GRM8: variants seen among roughly 807,000 people sequenced by gnomAD.
GRM8 encodes the protein glutamate metabotropic receptor 8.
Under a neutral mutation model 87.2 loss-of-function variants are expected in GRM8, and 47 were observed. That is an observed-to-expected ratio of 0.54 (90% CI 0.43 to 0.69). The LOEUF is 0.69. Ranked by LOEUF, GRM8 falls within the 30% of genes least tolerant of loss-of-function variation. GRM8 has a pLI of 0.00. For synonymous variants in GRM8, 396 were observed against 404.5 expected (o/e 0.98, Z 0.25); for missense variants, 1,019 against 1,139.2 (o/e 0.89, Z 1.52).
At chr7:126,921,565 C>T (rs1804536194) in intron 3 of GRM8, among the ~76,000 whole-genome samples, 1 of 152,050 alleles carries the variant, frequency 6.6e-6, no homozygotes. Context: ...AATTTTAAAA[C>T]ACTCGTGAGT....
At position 126,992,617 on chromosome 7, in the gene GRM8, A is replaced by T. The variant is rs1397442570; in HGVS notation, c.728-87934T>A. Among the ~76,000 whole-genome samples the T allele has an allele frequency of 2.0e-5, 3 of 152,252 alleles. No homozygotes were observed. In the East Asian group the frequency reaches 5.8e-4, roughly 29 times the overall value. ...AAAATTAAAGAAAAATTAAATAAGG[A>T]TATTTCTATGGAGTGAATTTTGTCC... On this transcript the variant is annotated intron_variant, in intron 3 of 10. Transcript: ENST00000339582.
chr7:126,516,440 T>C (rs1365648325), intron 9 of GRM8, among the ~76,000 whole-genome samples: 1 of 152,120 alleles, frequency 6.6e-6, no homozygotes, highest in Non-Finnish European at 1.5e-5. Flanking sequence ...CTGCAGTTGA[T>C]GTTGGAATGG....
chr7:127,059,138 A>G (rs2132562973), intron 3 of GRM8, among the ~76,000 whole-genome samples: 1 of 152,282 alleles, frequency 6.6e-6, no homozygotes, highest in Middle Eastern at 3.4e-3. Flanking sequence ...AGGGTTGCCA[A>G]GAAGATCCTA....
chr7:126,473,822 T>C (rs1300184234), intron 9 of GRM8, among the ~76,000 whole-genome samples: 1 of 152,054 alleles, frequency 6.6e-6, no homozygotes, highest in East Asian at 1.9e-4. Flanking sequence ...GTAGTGAATA[T>C]GTCTCATGAG....
chr7:126,752,596 T>C (rs1051145627), intron 7 of GRM8, among the ~76,000 whole-genome samples: 9 of 152,198 alleles, frequency 5.9e-5, no homozygotes, highest in African/African-American at 2.2e-4. Context: ...TTCTACAAAG[T>C]GTTTACTAGA....
chr7:126,835,665 G>C (rs1795774323), intron 6 of GRM8, among the ~76,000 whole-genome samples: 1 of 152,162 alleles, frequency 6.6e-6, no homozygotes, highest in Non-Finnish European at 1.5e-5. Context: ...TATGGATTTT[G>C]GTTTCAGGTG....
intron 2 of GRM8, among the ~76,000 whole-genome samples, chr7:127,116,601 G>A (rs1003587892): frequency 1.3e-5 from 2 of 152,210 alleles, no homozygotes; most frequent in South Asian, 2.1e-4. Flanking sequence ...CACCTGGTCC[G>A]CAAGGGACAG....
chr7:126,952,022 A>AAAG (rs1563348327), intron 3 of GRM8, among the ~76,000 whole-genome samples: 1 of 150,334 alleles, frequency 6.7e-6, no homozygotes, highest in Non-Finnish European at 1.5e-5. Context: ...TGATTTAAAA[A>AAAG]AAAGAAAGAA....
At chr7:126,657,349 G>A (rs76707715) in intron 7 of GRM8, among the ~76,000 whole-genome samples, 2,620 of 152,134 alleles carry the variant, frequency 0.017, 63 homozygotes, top group African/African-American at 0.059. Context: ...GGTGAAAACC[G>A]CAAATACTCT....
intron 7 of GRM8, among the ~76,000 whole-genome samples, chr7:126,750,260 T>C (rs1405333310): frequency 1.3e-5 from 2 of 152,082 alleles, no homozygotes; most frequent in Non-Finnish European, 2.9e-5. Context: ...ATTACCTTTT[T>C]TAAATTAAAA....
chr7:127,052,301 T>C (rs1289059976), intron 3 of GRM8, among the ~76,000 whole-genome samples: 1 of 152,136 alleles, frequency 6.6e-6, no homozygotes, highest in African/African-American at 2.4e-5. Flanking sequence ...GGTGCTCAAA[T>C]AGAAATACTC....
rs759683027 is a variant in GRM8 at position 126,682,178 on chromosome 7, T to C, written c.1358-72680A>G. On this transcript the variant is annotated intron_variant, in intron 7 of 10. Transcript: ENST00000339582. ...TACACGTTTATTTTCCCTTCTATAC[T>C]ATTTAGTCCCTTTAGATCAGAGATA... Among the ~76,000 whole-genome samples the C allele has an allele frequency of 2.8e-4, 42 of 152,240 alleles. 1 individual carries two copies. The highest frequency in any genetic ancestry group is 2.7e-3 in the Admixed American group (42 of 15,292).
chr7:127,152,315 G>T (rs1364804119), intron 2 of GRM8, among the ~76,000 whole-genome samples: 1 of 152,020 alleles, frequency 6.6e-6, no homozygotes, highest in Non-Finnish European at 1.5e-5. Flanking sequence ...AAAGCACTTG[G>T]CACAATACAG....
intron 7 of GRM8, among the ~76,000 whole-genome samples, chr7:126,726,850 C>T (rs1435318941): frequency 1.3e-5 from 2 of 151,972 alleles, no homozygotes; most frequent in Non-Finnish European, 2.9e-5. Flanking sequence ...AGATAGGCCA[C>T]CCAAGATTTG....
At chr7:126,962,365 T>C (rs1437724945) in intron 3 of GRM8, among the ~76,000 whole-genome samples, 1 of 152,202 alleles carries the variant, frequency 6.6e-6, no homozygotes, top group African/African-American at 2.4e-5. Context: ...CTGCTGCATA[T>C]GGTCAAGATG....
intron 8 of GRM8, among the ~76,000 whole-genome samples, chr7:126,566,577 G>A (rs1437523262): frequency 6.6e-6 from 1 of 152,144 alleles, no homozygotes; most frequent in Non-Finnish European, 1.5e-5. Context: ...GCACACTGTT[G>A]GTGGAAATGA....
At position 126,456,942 on chromosome 7, in the gene GRM8, C is replaced by A. The variant is rs1312638723; in HGVS notation, c.2431-10570G>T. On this transcript the variant is annotated intron_variant, in intron 9 of 10. Coordinates refer to ENST00000339582, the MANE Select transcript of GRM8 (RefSeq NM_000845.3). ...AACCGTGGGCAAACAACAACAAAAA[C>A]TAAACAGGTGACAGAAATGGTGCCA... 2.0e-5 allele frequency among the ~76,000 whole-genome samples: 3 copies of A among 151,392 alleles called. No individual in the cohort carries two copies. In the East Asian group the frequency reaches 5.8e-4, roughly 29 times the overall value.
rs181410900 is a variant in GRM8, at chr7:126,938,936, C to G, written c.728-34253G>C. On this transcript the variant is annotated intron_variant, in intron 3 of 10. Coordinates refer to ENST00000339582, the MANE Select transcript of GRM8 (RefSeq NM_000845.3). ...GGCAACCTGACCTTCAGCTACTTAC[C>G]TAGACTCTCTAAGCCTCAGCTGTCT... Among the ~76,000 whole-genome samples, 54 of 152,282 alleles carry G rather than the reference C, an allele frequency of 3.5e-4. 1 individual carries two copies. The highest frequency in any genetic ancestry group is 6.8e-3 in the Middle Eastern group (2 of 294).
At chr7:127,165,985 T>C (rs950841096) in intron 2 of GRM8, among the ~76,000 whole-genome samples, 5 of 152,118 alleles carry the variant, frequency 3.3e-5, no homozygotes, top group Non-Finnish European at 7.4e-5. Flanking sequence ...AATTTCAAAA[T>C]CTGTGAATAA....
Sources: allele counts gnomAD v4.1 joint callset (sites outside exome capture counted in the v4.1 genomes callset), GRCh38; gene constraint gnomAD v4.1.1; transcripts MANE v1.5; gene names NCBI Gene and HGNC (gene_info 2026-07-23, HGNC 2026-07-21).